The following ANKFY1 variants were observed in gnomAD, a reference collection of about 807,000 sequenced individuals.
ANKFY1 encodes the protein ankyrin repeat and FYVE domain-containing protein 1.
ANKFY1 carries 47 observed loss-of-function variants against 128.3 expected under a neutral mutation model. The ratio of observed to expected loss-of-function variants is 0.37; its 90% CI spans 0.29 to 0.47. ANKFY1 has a LOEUF of 0.47. Among genes scored for constraint, ANKFY1 ranks in the 20% least tolerant of loss-of-function variants. The pLI is 1.00. For synonymous variants in ANKFY1, 553 were observed against 601.6 expected, an observed-to-expected ratio of 0.92 and a Z score of 1.18; for missense variants, 1,222 against 1,510.6, an observed-to-expected ratio of 0.81 and a Z score of 3.17.
In ANKFY1 at chr17:4,179,739, A is replaced by T. The variant is rs373520900; in HGVS notation, c.2379T>A (p.Gly793=). The change falls in exon 17 of 25, where the codon GGT becomes GGA. Residue 793 remains glycine, a synonymous_variant. Coordinates refer to ENST00000341657, the MANE Select transcript of ANKFY1 (RefSeq NM_001330063.2). The part of the protein sequence containing the change: ...EETVQCLLEF[G]ANVNAQDAEG... ...GACACACCTGTGCGTTCACGTTGGC[A>T]CCAAACTCCAGAAGACACTGTACTG... 5 of 1,614,164 alleles carry T rather than the reference A, an allele frequency of 3.1e-6. No homozygotes were observed. In the South Asian group the frequency reaches 5.5e-5, roughly 18 times the overall value.
At chr17:4,184,161 C>A (rs532524672) in intron 12 of ANKFY1, among the ~76,000 whole-genome samples, 1 of 152,172 alleles carries the variant, frequency 6.6e-6, no homozygotes, top group Non-Finnish European at 1.5e-5. Flanking sequence ...GACTCCATTA[C>A]GGAAACACGC....
intron 7 of ANKFY1, among the ~76,000 whole-genome samples, chr17:4,198,890 A>G (rs1454215614): frequency 6.6e-6 from 1 of 152,180 alleles, no homozygotes; most frequent in Non-Finnish European, 1.5e-5. Context: ...ATTTACAGAT[A>G]TCAAATTAAG....
At chr17:4,229,052 C>A (rs1363625749) in intron 3 of ANKFY1, among the ~76,000 whole-genome samples, 1 of 152,104 alleles carries the variant, frequency 6.6e-6, no homozygotes, top group Non-Finnish European at 1.5e-5. Context: ...AAATTGATCA[C>A]AATGAAAACA....
chr17:4,259,045 G>A (rs544284970), intron 1 of ANKFY1, among the ~76,000 whole-genome samples: 3 of 152,330 alleles, frequency 2.0e-5, no homozygotes, highest in African/African-American at 7.2e-5. Context: ...ATCAGGCGCT[G>A]TGGGAAAAGC....
chr17:4,242,006 T>C (rs976246505), intron 2 of ANKFY1, among the ~76,000 whole-genome samples: 22 of 150,850 alleles, frequency 1.5e-4, no homozygotes, highest in Admixed American at 1.1e-3. Flanking sequence ...AGAGAATCAC[T>C]TGAACCTGGG....
At chr17:4,199,951 G>C (rs1175201545) in intron 7 of ANKFY1, among the ~76,000 whole-genome samples, 1 of 152,184 alleles carries the variant, frequency 6.6e-6, no homozygotes, top group African/African-American at 2.4e-5. Flanking sequence ...ACACAGAACA[G>C]AAACCTGTTA....
intron 7 of ANKFY1, among the ~76,000 whole-genome samples, chr17:4,202,234 G>A (rs552548488): frequency 2.0e-5 from 3 of 151,428 alleles, no homozygotes; most frequent in East Asian, 1.9e-4. Context: ...AAACCCAATC[G>A]CTACAAAAAT....
At chr17:4,209,758 C>T (rs544722928) in intron 5 of ANKFY1, 66 bp downstream of exon 5, 28 of 1,525,166 alleles carry the variant, frequency 1.8e-5, no homozygotes, top group Middle Eastern at 1.8e-4. Flanking sequence ...CATGGAACTA[C>T]GTCCCCAGCG....
In ANKFY1 at chr17:4,186,277, T is replaced by C. The variant is rs2059610349; in HGVS notation, c.1471-1231A>G. 2.6e-5 allele frequency: 4 copies of C among 152,564 alleles called. No individual in the cohort carries two copies. In the South Asian group the frequency reaches 8.3e-4, roughly 32 times the overall value. The allele number at this position is 152,564 out of a possible 1,614,324, so 9.5% of individuals were successfully genotyped here. A position where few individuals can be genotyped will look rare whatever the true frequency, so the allele number is the denominator to read the frequency against. ...AAGGTGCCTGCCCTCATCAGAGTTA[T>C]ACATCATCACTTAGAGGCAAGAACT... is the stretch of plus-strand genomic sequence containing the variant. On this transcript the variant is annotated intron_variant, in intron 11 of 24. Coordinates refer to ENST00000341657, the MANE Select transcript of ANKFY1 (RefSeq NM_001330063.2).
Position 4,178,726 on chromosome 17 carries a change from TAGGAC to T in ANKFY1, c.2598+126_2598+130del. ...ATGGGACATCTCAACAGCCACATCT[TAGGAC>T]AGGAGTACAACTTCAAAACAAAGCT... On this transcript the variant is annotated intron_variant, in intron 18 of 24. Transcript: ENST00000341657. The surrounding 1 kb of genome is among the most constrained non-coding windows in gnomAD (Gnocchi z 4.1). 1 of 889,888 alleles carries T rather than the reference TAGGAC, an allele frequency of 1.1e-6. No individual in the cohort carries two copies. The highest frequency in any genetic ancestry group is 1.8e-6 in the Non-Finnish European group (1 of 567,262). The allele number at this position is 889,888 out of a possible 1,614,324, so 55.1% of individuals were successfully genotyped here.
intron 1 of ANKFY1, among the ~76,000 whole-genome samples, chr17:4,248,193 G>A (rs1435779844): frequency 6.6e-6 from 1 of 152,194 alleles, no homozygotes; most frequent in African/African-American, 2.4e-5. Context: ...ACTAGTTTGT[G>A]GCATGTTAGG....
chr17:4,212,874 G>T (rs899158158), intron 4 of ANKFY1, among the ~76,000 whole-genome samples: 1 of 150,776 alleles, frequency 6.6e-6, no homozygotes, highest in Non-Finnish European at 1.5e-5. Context: ...AGGTTCAAGC[G>T]ATTCTCCTGC....
chr17:4,240,318 G>GA (rs1486956449), intron 2 of ANKFY1, among the ~76,000 whole-genome samples: 3 of 151,804 alleles, frequency 2.0e-5, no homozygotes, highest in African/African-American at 7.3e-5. Context: ...CGCCCGCCTT[G>GA]GCCTCCTAAG....
intron 1 of ANKFY1, among the ~76,000 whole-genome samples, chr17:4,263,087 C>G (rs4790601): frequency 0.55 from 83,893 of 152,040 alleles, 24,291 homozygotes; most frequent in East Asian, 0.82. Context: ...CAACAATGTC[C>G]CTGCACGATT....
chr17:4,220,430 TGAGA>T (rs1481596533), intron 3 of ANKFY1, among the ~76,000 whole-genome samples: 1 of 152,218 alleles, frequency 6.6e-6, no homozygotes, highest in African/African-American at 2.4e-5. Context: ...TCCTATCTGC[TGAGA>T]GAATCCCCAG....
chr17:4,193,281 A>G (rs2059750307), intron 10 of ANKFY1, among the ~76,000 whole-genome samples: 1 of 152,134 alleles, frequency 6.6e-6, no homozygotes, highest in African/African-American at 2.4e-5. Context: ...TAAGAGAGAG[A>G]ATCTTGCTCT....
intron 11 of ANKFY1, chr17:4,188,869 G>GAAAAAAAA (rs10708951): frequency 7.9e-6 from 1 of 126,920 alleles, no homozygotes; most frequent in Non-Finnish European, 1.6e-5. Flanking sequence ...TGTGTCTCAA[G>GAAAAAAAA]AAAAAAAAAA....
At chr17:4,263,463 C>T (rs1968529937) in intron 1 of ANKFY1, 1 of 1,128,218 alleles carries the variant, frequency 8.9e-7, no homozygotes, top group South Asian at 1.5e-5. Flanking sequence ...TGCTGCCTCG[C>T]CCCCACCCCA....
intron 12 of ANKFY1, 103 bp from the exon 13 acceptor site, chr17:4,184,013 T>C (rs2059565580): frequency 4.5e-6 from 4 of 894,324 alleles, no homozygotes; most frequent in South Asian, 3.0e-5. Context: ...GGGTATAATA[T>C]GATCAATGCT....
Sources: allele counts gnomAD v4.1 joint callset (sites outside exome capture counted in the v4.1 genomes callset), GRCh38; gene constraint gnomAD v4.1.1; non-coding constraint Gnocchi (gnomAD v3.1); transcripts MANE v1.5; gene names NCBI Gene and HGNC (gene_info 2026-07-23, HGNC 2026-07-21).